The following TVP23A variants were observed in gnomAD, a reference collection of about 807,000 sequenced individuals.
TVP23A encodes the protein trans-golgi network vesicle protein 23 homolog A.
In TVP23A, 21 loss-of-function variants were observed where a neutral mutation model predicts 31.7. The observed-to-expected ratio is 0.66, with a 90% CI of 0.47 to 0.95. TVP23A has a LOEUF of 0.95. Ranked by LOEUF, TVP23A falls within the 40% of genes least tolerant of loss-of-function variation. The pLI is 0.00. For synonymous variants in TVP23A, 104 were observed against 96.0 expected, an observed-to-expected ratio of 1.08 and a Z score of -0.49; for missense variants, 279 against 255.6, an observed-to-expected ratio of 1.09 and a Z score of -0.62.
chr16:10,787,862 G>C (rs1014497633), intron 2 of TVP23A, among the ~76,000 whole-genome samples: 1 of 152,118 alleles, frequency 6.6e-6, no homozygotes, highest in Non-Finnish European at 1.5e-5. Flanking sequence ...GCTTCACTTT[G>C]AGCCTCACAT....
intron 2 of TVP23A, among the ~76,000 whole-genome samples, chr16:10,790,577 G>A (rs901890718): frequency 6.6e-6 from 1 of 151,996 alleles, no homozygotes; most frequent in Non-Finnish European, 1.5e-5. Context: ...GAGCCACTGC[G>A]CCCGACCATC....
At chr16:10,811,561 T>C (rs1180349613) in intron 2 of TVP23A, among the ~76,000 whole-genome samples, 1 of 151,962 alleles carries the variant, frequency 6.6e-6, no homozygotes, top group Non-Finnish European at 1.5e-5. Context: ...TGAGCCACAG[T>C]GCCTGGCCAT....
chr16:10,769,042 T>C lies in TVP23A; in HGVS notation c.*60A>G. 1 of 1,614,044 alleles carries C rather than the reference T, an allele frequency of 6.2e-7. No individual in the cohort carries two copies. On this transcript the variant is annotated 3_prime_UTR_variant, in exon 8 of 8. Coordinates refer to ENST00000299866, the MANE Select transcript of TVP23A (RefSeq NM_001079512.4). ...GCACTCTATGCCTGTCGTCTTGTTT[T>C]CCAGGAATCCAAGAGTTTTGTAATC...
chr16:10,818,282 C>T lies in TVP23A; in HGVS notation c.10-100G>A, dbSNP rs13338873. 77,985 of 1,297,680 alleles carry T rather than the reference C, an allele frequency of 0.06. 12,739 individuals carry two copies. Among genetic ancestry groups the T allele is most frequent in the African/African-American group, 0.56 (37,774 of 67,244 alleles). The allele number at this position is 1,297,680 out of a possible 1,614,324, so 80.4% of individuals were successfully genotyped here. A position where few individuals can be genotyped will look rare whatever the true frequency, so the allele number is the denominator to read the frequency against. The stretch of plus-strand genomic sequence containing the variant: ...GGCTTGGACTCCACTTGCACCCCAC[C>T]GGGTTCCCAAGTGGACCCTCCGAGC... On this transcript the variant is annotated intron_variant, in intron 1 of 7. Transcript: ENST00000299866. The surrounding 1 kb of genome is among the most constrained non-coding windows in gnomAD (Gnocchi z 4.7).
At chr16:10,778,108 C>G (rs532381952) in intron 2 of TVP23A, among the ~76,000 whole-genome samples, 2 of 152,150 alleles carry the variant, frequency 1.3e-5, no homozygotes, top group East Asian at 3.9e-4. Context: ...CCGAGGCAGG[C>G]AGATCAGTTG....
chr16:10,795,183 C>T (rs1035635148), intron 2 of TVP23A, among the ~76,000 whole-genome samples: 1 of 151,850 alleles, frequency 6.6e-6, no homozygotes, highest in African/African-American at 2.4e-5. Context: ...AAGAGGCTCC[C>T]ACTGGCCAAC....
At chr16:10,774,627 C>T (rs77842829) in intron 3 of TVP23A, among the ~76,000 whole-genome samples, 7,026 of 139,442 alleles carry the variant, frequency 0.05, 539 homozygotes, top group African/African-American at 0.17. Context: ...TTTTTTTTTC[C>T]GAGACAGAGT....
chr16:10,813,785 C>T (rs1458676561), intron 2 of TVP23A, among the ~76,000 whole-genome samples: 7 of 151,952 alleles, frequency 4.6e-5, no homozygotes, highest in African/African-American at 1.7e-4. Context: ...GCACTAGGAT[C>T]ACTCAAGATC....
Position 10,767,322 on chromosome 16 carries a change from C to T in TVP23A, c.*1780G>A, listed in dbSNP as rs980037363. On this transcript the variant is annotated 3_prime_UTR_variant, in exon 8 of 8. Coordinates refer to ENST00000299866, the MANE Select transcript of TVP23A (RefSeq NM_001079512.4). The surrounding 1 kb of genome is among the most constrained non-coding windows in gnomAD (Gnocchi z 4.6). ...AAACCTGGGTGTGCATAGGAGGGGA[C>T]TGGAACAATGGCCACATGGCGGGGA... 2 of 399,616 alleles carry T rather than the reference C, an allele frequency of 5.0e-6. No homozygotes were observed. The highest frequency in any genetic ancestry group is 2.5e-4 in the South Asian group (2 of 7,882). 24.8% of individuals were successfully genotyped at this position (399,616 alleles called of 1,614,324 possible). A position where few individuals can be genotyped will look rare whatever the true frequency, so the allele number is the denominator to read the frequency against.
chr16:10,813,281 A>C (rs866087858), intron 2 of TVP23A, among the ~76,000 whole-genome samples: 29 of 152,250 alleles, frequency 1.9e-4, no homozygotes, highest in African/African-American at 6.8e-4. Flanking sequence ...CAAAAATCAC[A>C]AAGCCAGAAA....
chr16:10,778,684 G>T (rs1289545371), intron 2 of TVP23A, among the ~76,000 whole-genome samples: 2 of 151,836 alleles, frequency 1.3e-5, no homozygotes, highest in Non-Finnish European at 2.9e-5. Context: ...AAAGATAGAG[G>T]GTCGGGCGCG....
chr16:10,814,889 G>C (rs563020988), intron 2 of TVP23A, among the ~76,000 whole-genome samples: 1 of 150,240 alleles, frequency 6.7e-6, no homozygotes, highest in East Asian at 2.0e-4. Context: ...GTCTGGCCCC[G>C]ATCTCCACGC....
chr16:10,785,375 G>A (rs2032692385), intron 2 of TVP23A, among the ~76,000 whole-genome samples: 1 of 152,034 alleles, frequency 6.6e-6, no homozygotes, highest in African/African-American at 2.4e-5. Flanking sequence ...CTGCACTCCA[G>A]CCTGGGTGAC....
chr16:10,770,250 G>GGT (rs1397867680), intron 7 of TVP23A, 22 bp downstream of exon 7: 2 of 1,550,218 alleles, frequency 1.3e-6, no homozygotes, highest in Admixed American at 3.9e-5. Flanking sequence ...CCTCCACACG[G>GGT]GTGCCATGAT....
chr16:10,770,868 C>CAAAAAAAAAAAAAAAAA (rs376701429), intron 6 of TVP23A, among the ~76,000 whole-genome samples: 18 of 66,446 alleles, frequency 2.7e-4, no homozygotes, highest in African/African-American at 4.7e-4. Context: ...ACTCCCATCT[C>CAAAAAAAAAAAAAAAAA]AAAAAAAAAA....
At chr16:10,765,077 G>A (rs929810967), downstream of TVP23A, 1 of 154,808 alleles carries the variant, frequency 6.5e-6, no homozygotes, top group African/African-American at 2.4e-5. The surrounding 1 kb of genome is among the most constrained non-coding windows in gnomAD (Gnocchi z 4.0). Flanking sequence ...GCCTGGGAGT[G>A]GCATTGCCTC....
chr16:10,805,858 A>C (rs1156370559), intron 2 of TVP23A, among the ~76,000 whole-genome samples: 1 of 152,086 alleles, frequency 6.6e-6, no homozygotes, highest in Non-Finnish European at 1.5e-5. Context: ...TGAATAAATG[A>C]ATGAGCAAAA....
chr16:10,815,556 G>C (rs866336243), intron 2 of TVP23A, among the ~76,000 whole-genome samples: 2 of 152,218 alleles, frequency 1.3e-5, no homozygotes, highest in Admixed American at 6.5e-5. Flanking sequence ...AGACTTTATG[G>C]ATGGGCTGCT....
At chr16:10,789,599 C>A (rs1292982253) in intron 2 of TVP23A, among the ~76,000 whole-genome samples, 1 of 144,868 alleles carries the variant, frequency 6.9e-6, no homozygotes, top group East Asian at 2.1e-4. Flanking sequence ...GAGGCTGAGG[C>A]TGGTGGATCA....
Sources: gnomAD v4.1 joint callset for allele counts (sites outside exome capture counted in the v4.1 genomes callset) on GRCh38, gnomAD v4.1.1 for gene constraint, Gnocchi (gnomAD v3.1) non-coding constraint, MANE v1.5 for transcripts, NCBI Gene and HGNC (gene_info 2026-07-23, HGNC 2026-07-21) for gene names.